Variants in SUGP2 observed in about 807,000 individuals in gnomAD.
SUGP2 encodes the protein SURP and G-patch domain-containing protein 2.
A neutral mutation model predicts 90.5 loss-of-function variants in SUGP2; 24 were observed. The ratio of observed to expected loss-of-function variants is 0.27; its 90% CI spans 0.19 to 0.37. SUGP2 has a LOEUF of 0.37. Among genes scored for constraint, SUGP2 ranks in the 10% least tolerant of loss-of-function variants. The pLI, the probability that SUGP2 is intolerant of heterozygous loss-of-function variation, is 1.00. For synonymous variants in SUGP2, 473 were observed against 513.4 expected, an observed-to-expected ratio of 0.92 and a Z score of 1.06; for missense variants, 1,233 against 1,363.3, an observed-to-expected ratio of 0.90 and a Z score of 1.51.
At chr19:19,030,837 A>T in intron 2 of SUGP2, 114 bp downstream of exon 2, 1 of 1,231,552 alleles carries the variant, frequency 8.1e-7, no homozygotes, top group Non-Finnish European at 1.1e-6. Flanking sequence ...TAAATAAGGA[A>T]ACTAAGGATC....
At chr19:19,005,598 G>A (rs1401928351) in intron 6 of SUGP2, among the ~76,000 whole-genome samples, 1 of 152,012 alleles carries the variant, frequency 6.6e-6, no homozygotes, top group Non-Finnish European at 1.5e-5. Context: ...TTTGATTAAG[G>A]TAACCTCTCA....
At position 18,995,177 on chromosome 19, in the gene SUGP2, G is replaced by A; in HGVS notation, c.3095C>T (p.Ser1032Phe). Residue 1032 changes from serine to phenylalanine, a missense_variant, in exon 9 of 11, where the codon TCC becomes TTC. By Grantham distance (155) the Ser-to-Phe change is radical. Coordinates refer to ENST00000452918, the MANE Select transcript of SUGP2 (RefSeq NM_001017392.5). ...CGGCTCCCTGATGCCCTTTCCGAGGGAGCCCAGGCCATGGCCCTCCTTCCA... is the reference window on the plus strand; with the variant it reads ...CGGCTCCCTGATGCCCTTTCCGAGGAAGCCCAGGCCATGGCCCTCCTTCCA... ...MGWKEGHGLG[S>F]LGKGIREPVS... The A allele has an allele frequency of 6.2e-7, 1 of 1,613,344 alleles. No homozygotes were observed. Among genetic ancestry groups the A allele is most frequent in the Middle Eastern group, 1.8e-4 (1 of 5,436 alleles).
chr19:19,014,199 GCCA>G (rs954779607), intron 4 of SUGP2, among the ~76,000 whole-genome samples: 6 of 152,052 alleles, frequency 3.9e-5, no homozygotes, highest in African/African-American at 7.2e-5. Flanking sequence ...CATCATGTTG[GCCA>G]GGCTGGTCTC....
At chr19:19,019,693 G>A (rs2145617845) in intron 3 of SUGP2, among the ~76,000 whole-genome samples, 1 of 151,522 alleles carries the variant, frequency 6.6e-6, no homozygotes, top group Non-Finnish European at 1.5e-5. Flanking sequence ...AAGGAAATAT[G>A]TTAGGAAATA....
chr19:19,031,983 C>T lies in SUGP2; in HGVS notation c.-11-901G>A, dbSNP rs572205673. ...CAGGTGTGTGCTGGCTGAAAAGGAG[C>T]AAGACAAACCTTCTCTGGGCCCATC... On this transcript the variant is annotated intron_variant, in intron 1 of 10. Coordinates refer to ENST00000452918, the MANE Select transcript of SUGP2 (RefSeq NM_001017392.5). 5.3e-5 allele frequency among the ~76,000 whole-genome samples: 8 copies of T among 151,796 alleles called. No individual in the cohort carries two copies. In the East Asian group the frequency reaches 1.6e-3, roughly 30 times the overall value.
rs1245544894 is a variant in SUGP2 at position 19,019,132 on chromosome 19, A to C, written c.1827T>G (p.Leu609=). Residue 609 remains leucine, a synonymous_variant, in exon 4 of 11, where the codon CTT becomes CTG. Transcript: ENST00000452918. ...EGSLSPKERT[L]LKEDPAYWFL... is the part of the protein sequence containing the mutation. ...ACCAGTAAGCAGGGTCCTCTTTGAG[A>C]AGAGTTCTCTCTTTGGGAGACAGGC... 2 of 1,613,996 alleles carry C rather than the reference A, an allele frequency of 1.2e-6. No individual in the cohort carries two copies. Among genetic ancestry groups the C allele is most frequent in the Non-Finnish European group, 1.7e-6 (2 of 1,179,898 alleles).
intron 2 of SUGP2, among the ~76,000 whole-genome samples, chr19:19,030,257 A>G (rs1256391453): frequency 1.3e-5 from 2 of 152,234 alleles, no homozygotes; most frequent in Admixed American, 6.5e-5. Flanking sequence ...TGGGAGGCCA[A>G]GGCAAGTGGA....
At chr19:19,004,047 T>G in intron 7 of SUGP2, 121 bp downstream of exon 7, 2 of 754,348 alleles carry the variant, frequency 2.7e-6, no homozygotes, top group Non-Finnish European at 4.3e-6. Flanking sequence ...TCGGCTCACA[T>G]TTTGGAGTGG....
rs1319607953 is a variant in SUGP2, at chr19:19,001,599, A to G, written c.2991+14T>C. 2 of 1,613,964 alleles carry G rather than the reference A, an allele frequency of 1.2e-6. No homozygotes were observed. On this transcript the variant is annotated intron_variant, in intron 8 of 10. Coordinates refer to ENST00000452918, the MANE Select transcript of SUGP2 (RefSeq NM_001017392.5). Reference sequence around the variant, plus strand: ...ACTATACTTTGAGTGAGGACTACCAATGATTACGCTCACCTTCTTTTTGGA... The same window carrying G: ...ACTATACTTTGAGTGAGGACTACCAGTGATTACGCTCACCTTCTTTTTGGA...
At position 19,025,834 on chromosome 19, in the gene SUGP2, C is replaced by G; in HGVS notation, c.514G>C (p.Asp172His). 6.2e-7 allele frequency: 1 copy of G among 1,614,056 alleles called. No individual in the cohort carries two copies. The highest frequency in any genetic ancestry group is 8.5e-7 in the Non-Finnish European group (1 of 1,180,024). The part of the protein sequence containing the change: ...YSFGPSAVLG[D>H]FGSSRLIEKE... ...TCAATCAGCCTGGAAGATCCAAAGT[C>G]CCCCAAAACTGCAGAGGGACCAAAA... The change falls in exon 3 of 11, where the codon GAC becomes CAC. Residue 172 changes from aspartate to histidine, a missense_variant. Transcript: ENST00000452918.
At chr19:19,033,737 C>T (rs969075266), upstream of SUGP2, 59 of 261,566 alleles carry the variant, frequency 2.3e-4, no homozygotes, top group African/African-American at 1.3e-3. Context: ...CTCCGTCGCG[C>T]ACGAGGTGGC....
Position 19,026,128 on chromosome 19 carries a change from C to T in SUGP2, c.220G>A (p.Asp74Asn), listed in dbSNP as rs2058920156. 4.3e-6 allele frequency: 7 copies of T among 1,614,074 alleles called. No homozygotes were observed. Among genetic ancestry groups the T allele is most frequent in the Non-Finnish European group, 4.2e-6 (5 of 1,180,024 alleles). Residue 74 changes from aspartate to asparagine, a missense_variant, in exon 3 of 11, where the codon GAT becomes AAT. This residue lies in a region of SUGP2 where 418 missense variants were observed against 399.9 expected (regional missense o/e 1.05). Transcript: ENST00000452918. The stretch of plus-strand genomic sequence containing the variant: ...CTTCTCAGGCCTTCTCTTCCGGCAT[C>T]TCTAGAGTGAGCTACAGATCCACTG... ...SLSGSVAHSR[D>N]AGREGLRSDV...
chr19:19,022,878 C>T (rs1400868286), intron 3 of SUGP2, among the ~76,000 whole-genome samples: 1 of 152,054 alleles, frequency 6.6e-6, no homozygotes, highest in Non-Finnish European at 1.5e-5. Context: ...AATGAGACTT[C>T]GCCACTGGAC....
At chr19:19,001,556 TC>T (rs2057833507) in intron 8 of SUGP2, 56 bp downstream of exon 8, 1 of 1,559,170 alleles carries the variant, frequency 6.4e-7, no homozygotes, top group Admixed American at 1.7e-5. Context: ...CCTTTGGAAC[TC>T]CAACAAATTC....
chr19:19,032,471 T>A (rs1047576084), intron 1 of SUGP2, among the ~76,000 whole-genome samples: 19 of 152,262 alleles, frequency 1.2e-4, no homozygotes, highest in Admixed American at 5.9e-4. Context: ...AGGATCACTC[T>A]TTTCCCATTC....
intron 8 of SUGP2, among the ~76,000 whole-genome samples, chr19:18,999,866 G>A (rs552694682): frequency 6.6e-6 from 1 of 152,268 alleles, no homozygotes; most frequent in South Asian, 2.1e-4. Flanking sequence ...CTCCAGGTCA[G>A]TGAATGGCAG....
intron 4 of SUGP2, among the ~76,000 whole-genome samples, chr19:19,015,791 C>T (rs979722582): frequency 5.9e-5 from 9 of 152,186 alleles, no homozygotes; most frequent in Admixed American, 1.3e-4. Flanking sequence ...AGGCGTGAGC[C>T]ACTGCACCCA....
chr19:19,020,684 C>T (rs1007311758), intron 3 of SUGP2, among the ~76,000 whole-genome samples: 2 of 151,772 alleles, frequency 1.3e-5, no homozygotes, highest in African/African-American at 2.4e-5. Flanking sequence ...GAGATCCACC[C>T]TCCTTTACCT....
rs1568386882 is a variant in SUGP2 at position 19,001,629 on chromosome 19, G to C, written c.2975C>G (p.Pro992Arg). Reference sequence around the variant, plus strand: ...TACGCTCACCTTCTTTTTGGACATGGGACGACCCCGAGGCCTGTCATAGGC... The same window carrying C: ...TACGCTCACCTTCTTTTTGGACATGCGACGACCCCGAGGCCTGTCATAGGC... Reference protein sequence around the residue: ...RIAYDRPRGRPMSKKKKPKDL... With the variant: ...RIAYDRPRGRRMSKKKKPKDL... Residue 992 changes from proline (P) to arginine (R), a missense_variant, in exon 8 of 11, where the codon CCC (proline) becomes CGC (arginine). Around this residue, in one of 8 missense-constraint regions of SUGP2, gnomAD observed 105 missense variants for 155.2 expected, o/e 0.68. Transcript: ENST00000452918. 1 of 1,614,134 alleles carries C rather than the reference G, an allele frequency of 6.2e-7. No homozygotes were observed. Among genetic ancestry groups the C allele is most frequent in the Non-Finnish European group, 8.5e-7 (1 of 1,180,026 alleles).
Sources: gnomAD v4.1 joint callset for allele counts (sites outside exome capture counted in the v4.1 genomes callset) on GRCh38, gnomAD v4.1.1 for gene constraint, gnomAD v4.1.1 regional missense constraint, MANE v1.5 for transcripts, NCBI Gene and HGNC (gene_info 2026-07-23, HGNC 2026-07-21) for gene names.